Variants in SCGB2B2 observed in about 807,000 individuals in gnomAD.
SCGB2B2 encodes secretoglobin-like protein.
In SCGB2B2, 11 loss-of-function variants were observed where a neutral mutation model predicts 7.6. That is an observed-to-expected ratio of 1.45 (90% CI 0.91 to 2.40). The LOEUF is 2.40. Among genes scored for constraint, SCGB2B2 ranks in the 30% most tolerant of loss-of-function variants. The pLI, the probability that SCGB2B2 is intolerant of heterozygous loss-of-function variation, is 0.00. For missense variants in SCGB2B2, 104 were observed against 115.4 expected (o/e 0.90, Z 0.45); for synonymous variants, 50 against 48.6 (o/e 1.03, Z -0.12).
chr19:34,650,802 A>T lies in SCGB2B2; in HGVS notation c.-2032+24828T>A, dbSNP rs561625780. On this transcript the variant is annotated intron_variant, in intron 1 of 3. Coordinates refer to ENST00000601241, the MANE Select transcript of SCGB2B2 (RefSeq NM_001025591.4). Reference sequence around the variant, plus strand: ...CAAAACCAGAGAAGCACACACAACAACAGAAAACTATAGGCCAATATCCAT... The same window carrying T: ...CAAAACCAGAGAAGCACACACAACATCAGAAAACTATAGGCCAATATCCAT... Among the ~76,000 whole-genome samples the T allele has an allele frequency of 5.9e-5, 9 of 151,518 alleles. No homozygotes were observed. The East Asian group carries it at 1.7e-3, about 29-fold the overall frequency.
At chr19:34,637,299 C>T (rs911199511) in intron 1 of SCGB2B2, among the ~76,000 whole-genome samples, 1 of 152,166 alleles carries the variant, frequency 6.6e-6, no homozygotes, top group African/African-American at 2.4e-5. Context: ...AGTGGGGCTG[C>T]CTGGGGAGGG....
At chr19:34,652,097 G>A (rs970960673) in intron 1 of SCGB2B2, among the ~76,000 whole-genome samples, 3 of 150,834 alleles carry the variant, frequency 2.0e-5, no homozygotes, top group Admixed American at 6.6e-5. Context: ...AATGAAACTA[G>A]ACCCCTATCT....
chr19:34,609,388 C>A (rs1012605469), intron 1 of SCGB2B2, among the ~76,000 whole-genome samples: 1 of 151,858 alleles, frequency 6.6e-6, no homozygotes, highest in African/African-American at 2.4e-5. Flanking sequence ...TCTATAAAAT[C>A]TTTGCCAAGA....
At chr19:34,671,520 A>T (rs1438148474) in intron 1 of SCGB2B2, among the ~76,000 whole-genome samples, 1 of 152,140 alleles carries the variant, frequency 6.6e-6, no homozygotes, top group African/African-American at 2.4e-5. Context: ...TAATAAAAGC[A>T]TCGTGGGATT....
chr19:34,674,854 A>G (rs778842761), intron 1 of SCGB2B2, among the ~76,000 whole-genome samples: 2 of 152,232 alleles, frequency 1.3e-5, no homozygotes, highest in Non-Finnish European at 2.9e-5. Context: ...TTCAGTTACT[A>G]TTTCAGTTGA....
At chr19:34,638,689 T>C (rs2066759591) in intron 1 of SCGB2B2, among the ~76,000 whole-genome samples, 2 of 152,276 alleles carry the variant, frequency 1.3e-5, no homozygotes, top group Middle Eastern at 3.4e-3. Flanking sequence ...TTCACTCTCT[T>C]AAACTCTGAT....
chr19:34,636,975 C>T (rs927762365), intron 1 of SCGB2B2, among the ~76,000 whole-genome samples: 7 of 152,068 alleles, frequency 4.6e-5, no homozygotes, highest in Non-Finnish European at 8.8e-5. Context: ...ACAGCAGGAG[C>T]GCAGAGTAAC....
downstream of SCGB2B2, among the ~76,000 whole-genome samples, chr19:34,587,759 C>T (rs976816271): frequency 2.0e-5 from 3 of 152,110 alleles, no homozygotes; most frequent in Admixed American, 2.0e-4. Context: ...TGAATTTTAT[C>T]GTGCTTTTTC....
intron 1 of SCGB2B2, among the ~76,000 whole-genome samples, chr19:34,675,156 G>T (rs2067891675): frequency 6.6e-6 from 1 of 152,210 alleles, no homozygotes. Flanking sequence ...GTTTCACAAA[G>T]AGAGTGTTGG....
chr19:34,646,569 C>A (rs1230097690), intron 1 of SCGB2B2: 2 of 152,376 alleles, frequency 1.3e-5, no homozygotes, highest in African/African-American at 4.8e-5. Flanking sequence ...ACCTCTGGGA[C>A]TGGGTGTTAA....
chr19:34,636,007 C>A (rs1040140598), intron 1 of SCGB2B2, among the ~76,000 whole-genome samples: 6 of 152,222 alleles, frequency 3.9e-5, no homozygotes, highest in African/African-American at 1.4e-4. Flanking sequence ...AAATGTCTTT[C>A]ATGATTGGAC....
At chr19:34,643,021 C>T (rs2066889898) in intron 1 of SCGB2B2, among the ~76,000 whole-genome samples, 1 of 152,118 alleles carries the variant, frequency 6.6e-6, no homozygotes, top group African/African-American at 2.4e-5. Context: ...AAAACTAAAA[C>T]TAAAACTATC....
chr19:34,600,099 T>C (rs1412876245), intron 1 of SCGB2B2, among the ~76,000 whole-genome samples: 4 of 152,218 alleles, frequency 2.6e-5, no homozygotes, highest in Non-Finnish European at 5.9e-5. Context: ...TTGTTACATA[T>C]GTGCCATGTT....
intron 1 of SCGB2B2, among the ~76,000 whole-genome samples, chr19:34,636,015 G>A (rs2066667763): frequency 6.6e-6 from 1 of 152,190 alleles, no homozygotes; most frequent in African/African-American, 2.4e-5. Flanking sequence ...TTCATGATTG[G>A]ACCACAAATC....
rs1430891925 is a variant in SCGB2B2 at position 34,668,068 on chromosome 19, C to G, written c.-2032+7562G>C. 3.9e-5 allele frequency among the ~76,000 whole-genome samples: 6 copies of G among 152,384 alleles called. No homozygotes were observed. In the South Asian group the frequency reaches 1.2e-3, roughly 32 times the overall value. ...AGCCCTCGCTCTCTCTCGGCGCCTCCTCTGCCTGGGCTCCCACTTTGGCGG... is the reference window on the plus strand; with the variant it reads ...AGCCCTCGCTCTCTCTCGGCGCCTCGTCTGCCTGGGCTCCCACTTTGGCGG... On this transcript the variant is annotated intron_variant, in intron 1 of 3. Transcript: ENST00000601241.
At position 34,591,079 on chromosome 19, in the gene SCGB2B2, T is replaced by C. The variant is rs2065285867; in HGVS notation, c.*2476A>G. Among the ~76,000 whole-genome samples the C allele has an allele frequency of 6.6e-6, 1 of 152,162 alleles. No homozygotes were observed. Among genetic ancestry groups the C allele is most frequent in the South Asian group, 2.1e-4 (1 of 4,826 alleles). On this transcript the variant is annotated 3_prime_UTR_variant, in exon 4 of 4. Coordinates refer to ENST00000601241, the MANE Select transcript of SCGB2B2 (RefSeq NM_001025591.4). Reference sequence around the variant, plus strand: ...TTTAAATTCCATTGAAATGCTGAAATTTACATGTTTTTGTCTCCAGGCCCA... The same window carrying C: ...TTTAAATTCCATTGAAATGCTGAAACTTACATGTTTTTGTCTCCAGGCCCA...
At chr19:34,644,303 G>A (rs552089223) in intron 1 of SCGB2B2, among the ~76,000 whole-genome samples, 5 of 151,374 alleles carry the variant, frequency 3.3e-5, no homozygotes, top group South Asian at 2.1e-4. Flanking sequence ...CAAAGCACTG[G>A]GATTACTGGT....
intron 1 of SCGB2B2, among the ~76,000 whole-genome samples, chr19:34,623,693 T>C (rs2066296747): frequency 6.6e-6 from 1 of 152,174 alleles, no homozygotes; most frequent in Non-Finnish European, 1.5e-5. Context: ...AGTAAGACCA[T>C]TTAATGGAAG....
intron 1 of SCGB2B2, among the ~76,000 whole-genome samples, chr19:34,650,488 A>C (rs1196607665): frequency 1.3e-5 from 2 of 151,260 alleles, no homozygotes; most frequent in African/African-American, 4.9e-5. Context: ...CAATATGACA[A>C]CAAATTAGAA....
Sources: gnomAD v4.1 joint callset for allele counts (sites outside exome capture counted in the v4.1 genomes callset) on GRCh38, gnomAD v4.1.1 for gene constraint, MANE v1.5 for transcripts, NCBI Gene and HGNC (gene_info 2026-07-23, HGNC 2026-07-21) for gene names.